The following SYNE1 variants were observed in gnomAD, a reference collection of about 807,000 sequenced individuals.
The protein encoded by SYNE1 is spectrin repeat containing nuclear envelope protein 1, also known as nesprin-1.
SYNE1 carries 616 observed loss-of-function variants against 1,111.0 expected under a neutral mutation model. That is an observed-to-expected ratio of 0.55 (90% CI 0.52 to 0.59). The LOEUF (loss-of-function observed/expected upper bound fraction) is 0.59. Ranked by LOEUF, SYNE1 falls within the 20% of genes least tolerant of loss-of-function variation. The pLI is 0.00. For missense variants in SYNE1, 10,006 were observed against 10,417.0 expected (o/e 0.96, Z 1.72); for synonymous variants, 3,855 against 3,825.8 (o/e 1.01, Z -0.28).
At chr6:152,235,849 CT>C (rs2083895237) in intron 110 of SYNE1, among the ~76,000 whole-genome samples, 1 of 152,142 alleles carries the variant, frequency 6.6e-6, no homozygotes, top group Non-Finnish European at 1.5e-5. Flanking sequence ...TGAAGCAATC[CT>C]CCCACTTCAG....
intron 117 of SYNE1, 88 bp downstream of exon 117, chr6:152,224,406 A>G (rs2153477928): frequency 8.9e-7 from 1 of 1,128,390 alleles, no homozygotes; most frequent in Non-Finnish European, 1.3e-6. Context: ...ACATATGGCA[A>G]TATTTCAGGA....
Position 152,419,740 on chromosome 6 carries a change from T to C in SYNE1, c.5268-18A>G. On this transcript the variant is annotated intron_variant, in intron 39 of 145. Transcript: ENST00000367255. ...AATTAATCCTATGTAGACAAAGTAT[T>C]AAAGTTAAAATGTCCCATAAGTAAA... is the stretch of plus-strand genomic sequence containing the variant. 1.9e-6 allele frequency: 3 copies of C among 1,613,452 alleles called. No homozygotes were observed. The highest frequency in any genetic ancestry group is 2.5e-6 in the Non-Finnish European group (3 of 1,179,544).
At chr6:152,218,861 A>T in intron 120 of SYNE1, 142 bp downstream of exon 120, 1 of 899,728 alleles carries the variant, frequency 1.1e-6, no homozygotes, top group African/African-American at 1.6e-5. Flanking sequence ...TCCCCACCAG[A>T]ACTTCCAAGT....
chr6:152,553,982 G>C (rs2128163223), intron 3 of SYNE1, among the ~76,000 whole-genome samples: 1 of 152,224 alleles, frequency 6.6e-6, no homozygotes, highest in South Asian at 2.1e-4. Flanking sequence ...GTATTGGCCA[G>C]TTGCTGGATA....
At chr6:152,524,995 G>A (rs375864592) in intron 5 of SYNE1, among the ~76,000 whole-genome samples, 153 of 152,272 alleles carry the variant, frequency 1.0e-3, no homozygotes, top group African/African-American at 3.5e-3. Context: ...CCCTGAGGCA[G>A]AAAGCCAGAC....
chr6:152,366,649 T>C (rs191393699), intron 62 of SYNE1, among the ~76,000 whole-genome samples: 2 of 152,344 alleles, frequency 1.3e-5, no homozygotes, highest in East Asian at 3.9e-4. Flanking sequence ...CATCTGTGGT[T>C]GTTGTCTTCT....
chr6:152,249,409 G>C (rs1294257831), intron 104 of SYNE1, 147 bp from the exon 105 acceptor site: 2 of 685,018 alleles, frequency 2.9e-6, no homozygotes, highest in Non-Finnish European at 5.3e-6. Context: ...GAAGGTAAAA[G>C]GAACTGGTAA....
At chr6:152,576,405 A>G (rs1260729481) in intron 3 of SYNE1, among the ~76,000 whole-genome samples, 1 of 152,186 alleles carries the variant, frequency 6.6e-6, no homozygotes, top group South Asian at 2.1e-4. Flanking sequence ...TCAGTTTCCA[A>G]GAGTACATTA....
At chr6:152,527,041 CAG>C (rs889394530) in intron 4 of SYNE1, among the ~76,000 whole-genome samples, 4 of 152,202 alleles carry the variant, frequency 2.6e-5, no homozygotes, top group African/African-American at 9.6e-5. Flanking sequence ...TGATTTATCA[CAG>C]AATCAGAATT....
intron 123 of SYNE1, among the ~76,000 whole-genome samples, 155 bp from the exon 124 acceptor site, chr6:152,211,743 T>C (rs769801232): frequency 6.6e-6 from 1 of 152,190 alleles, no homozygotes; most frequent in Non-Finnish European, 1.5e-5. Flanking sequence ...TTAGGAATCA[T>C]TTATTTTTAA....
chr6:152,377,668 T>C (rs1023324975), intron 56 of SYNE1, among the ~76,000 whole-genome samples: 1 of 124,272 alleles, frequency 8.0e-6, no homozygotes, highest in Non-Finnish European at 1.6e-5. Context: ...TATATATATA[T>C]ATATCTCCAA....
At chr6:152,138,970 CT>C (rs778499279) in intron 140 of SYNE1, among the ~76,000 whole-genome samples, 66 of 152,188 alleles carry the variant, frequency 4.3e-4, no homozygotes, top group Non-Finnish European at 2.6e-4. Context: ...GCAAAAATTG[CT>C]TCTACCACTA....
In SYNE1 at chr6:152,367,275, T is replaced by A; in HGVS notation, c.9915A>T (p.Ser3305=). ...WMTDAIHMLD[S]YCHPTSDKSV... Reference sequence around the variant, plus strand: ...TTTTGTCGGATGTCGGGTGGCAGTATGAATCCAGCATGTGAATCGCATCCG... The same window carrying A: ...TTTTGTCGGATGTCGGGTGGCAGTAAGAATCCAGCATGTGAATCGCATCCG... Residue 3305 remains serine (S), a synonymous_variant, in exon 62 of 146, where the codon TCA becomes TCT. Coordinates refer to ENST00000367255, the MANE Select transcript of SYNE1 (RefSeq NM_182961.4). The A allele has an allele frequency of 6.2e-7, 1 of 1,614,276 alleles. No individual in the cohort carries two copies. The highest frequency in any genetic ancestry group is 8.5e-7 in the Non-Finnish European group (1 of 1,180,048).
intron 105 of SYNE1, among the ~76,000 whole-genome samples, chr6:152,245,233 C>A (rs1260933061): frequency 6.6e-6 from 1 of 152,214 alleles, no homozygotes; most frequent in Non-Finnish European, 1.5e-5. Flanking sequence ...AACAAGATCT[C>A]ATCCTGTCCT....
chr6:152,513,277 G>T (rs1010860413), intron 6 of SYNE1, among the ~76,000 whole-genome samples: 7 of 152,176 alleles, frequency 4.6e-5, no homozygotes, highest in Non-Finnish European at 1.0e-4. Flanking sequence ...CAATGTGATT[G>T]TATTTGGAGA....
intron 131 of SYNE1, among the ~76,000 whole-genome samples, chr6:152,157,566 T>C (rs1415316748): frequency 1.3e-5 from 2 of 151,988 alleles, no homozygotes; most frequent in Non-Finnish European, 2.9e-5. Context: ...AAGAGAGAAA[T>C]TGAAACATTC....
chr6:152,549,412 C>A (rs935327528), intron 3 of SYNE1, among the ~76,000 whole-genome samples: 6 of 152,210 alleles, frequency 3.9e-5, no homozygotes, highest in Non-Finnish European at 8.8e-5. Context: ...TGTTACACAG[C>A]AAAGGCTAAC....
intron 25 of SYNE1, 40 bp downstream of exon 25, chr6:152,453,546 C>A (rs757659448): frequency 4.3e-6 from 7 of 1,614,176 alleles, no homozygotes; most frequent in Non-Finnish European, 5.9e-6. Flanking sequence ...CTTCTCCCTT[C>A]ATTGAGGATG....
At chr6:152,631,165 T>G (rs1282114902) in intron 2 of SYNE1, among the ~76,000 whole-genome samples, 4 of 152,160 alleles carry the variant, frequency 2.6e-5, no homozygotes, top group Non-Finnish European at 5.9e-5. Flanking sequence ...TAAGCCAGTG[T>G]GGGTGTTCTG....
Sources: gnomAD v4.1 joint callset for allele counts (sites outside exome capture counted in the v4.1 genomes callset) on GRCh38, gnomAD v4.1.1 for gene constraint, MANE v1.5 for transcripts, NCBI Gene and HGNC (gene_info 2026-07-23, HGNC 2026-07-21) for gene names.